Variants in TBXAS1 observed in about 807,000 individuals in gnomAD.
The protein encoded by TBXAS1 is thromboxane A synthase 1, also known as thromboxane-A synthase.
A neutral mutation model predicts 60.7 loss-of-function variants in TBXAS1; 48 were observed. That is an observed-to-expected ratio of 0.79 (90% CI 0.63 to 1.01). TBXAS1 has a LOEUF of 1.01. Ranked by LOEUF, TBXAS1 falls within the 50% of genes least tolerant of loss-of-function variation. The pLI is 0.00. For missense variants in TBXAS1, 685 were observed against 686.3 expected, an observed-to-expected ratio of 1.00 and a Z score of 0.02; for synonymous variants, 287 against 269.7, an observed-to-expected ratio of 1.06 and a Z score of -0.63.
At chr7:139,935,318 A>G (rs765854088) in intron 4 of TBXAS1, among the ~76,000 whole-genome samples, 9 of 152,214 alleles carry the variant, frequency 5.9e-5, no homozygotes, top group African/African-American at 1.2e-4. Flanking sequence ...ATAATACCTC[A>G]TACAATGCCT....
chr7:139,805,660 C>CTCTTTCTTTCTTTCTTTCTT (rs755258646), intron 4 of TBXAS1, among the ~76,000 whole-genome samples: 3 of 101,432 alleles, frequency 3.0e-5, no homozygotes, highest in Admixed American at 1.1e-4. Context: ...CCTTCTTTTT[C>CTCTTTCTTTCTTTCTTTCTT]TCTTTCTTTC....
At chr7:139,836,083 T>TAAAA (rs1312061436) in intron 1 of TBXAS1, among the ~76,000 whole-genome samples, 6 of 131,624 alleles carry the variant, frequency 4.6e-5, no homozygotes, top group Admixed American at 7.6e-5. Flanking sequence ...AATAAATAAA[T>TAAAA]AAAATACTTA....
At chr7:139,783,351 C>CA (rs112605966) in intron 3 of TBXAS1, among the ~76,000 whole-genome samples, 73,579 of 136,624 alleles carry the variant, frequency 0.54, 18,569 homozygotes, top group East Asian at 0.78. Flanking sequence ...GGAAATATGG[C>CA]AAAAAAAAAA....
intron 2 of TBXAS1, 130 bp from the exon 3 acceptor site, chr7:139,875,455 A>G: frequency 1.2e-6 from 1 of 818,158 alleles, no homozygotes; most frequent in Non-Finnish European, 2.0e-6. Flanking sequence ...CCTGAAAGCA[A>G]TATAACTTCC....
At chr7:139,931,478 C>T (rs958755476) in intron 4 of TBXAS1, among the ~76,000 whole-genome samples, 1 of 152,180 alleles carries the variant, frequency 6.6e-6, no homozygotes, top group South Asian at 2.1e-4. Flanking sequence ...TAAAGACATA[C>T]CTGAGACTGG....
intron 1 of TBXAS1, among the ~76,000 whole-genome samples, chr7:139,861,199 C>T (rs1337977123): frequency 1.3e-5 from 2 of 151,264 alleles, no homozygotes; most frequent in Non-Finnish European, 2.9e-5. Flanking sequence ...AAATTCTTCA[C>T]TTCTGACAGG....
rs769731710 is a variant in TBXAS1 at position 139,857,907 on chromosome 7, T to A, written c.90-14328T>A. Among the ~76,000 whole-genome samples the A allele has an allele frequency of 8.7e-4, 132 of 151,852 alleles. 2 individuals are homozygous for A. Among genetic ancestry groups the A allele is most frequent in the Admixed American group, 3.3e-4 (5 of 15,226 alleles). On this transcript the variant is annotated intron_variant, in intron 1 of 12. Coordinates refer to ENST00000448866, the MANE Select transcript of TBXAS1 (RefSeq NM_001061.7). ...CACCACACCTGGCAATTTTTAAAAA[T>A]TTTTTTTGTAGAGGTGGGGTCTTGC...
chr7:139,966,291 C>T lies in TBXAS1; in HGVS notation c.1134+4058C>T, dbSNP rs1040652824. ...GAATCTGATGAGAGCTACATCTCTTCCTCCAAGAAAGAGCAGATATGTGCA... is the reference window on the plus strand; with the variant it reads ...GAATCTGATGAGAGCTACATCTCTTTCTCCAAGAAAGAGCAGATATGTGCA... On this transcript the variant is annotated intron_variant, in intron 9 of 12. Transcript: ENST00000448866. Among the ~76,000 whole-genome samples, 23 of 152,350 alleles carry T rather than the reference C, an allele frequency of 1.5e-4. 1 individual carries two copies. Among genetic ancestry groups the T allele is most frequent in the African/African-American group, 4.8e-4 (20 of 41,576 alleles).
At chr7:139,986,425 T>A (rs1396187071) in intron 9 of TBXAS1, among the ~76,000 whole-genome samples, 1 of 152,046 alleles carries the variant, frequency 6.6e-6, no homozygotes, top group Non-Finnish European at 1.5e-5. Flanking sequence ...CATGAGTAAG[T>A]TCTTTAGGGG....
chr7:139,949,546 G>T (rs1376250273), intron 5 of TBXAS1, among the ~76,000 whole-genome samples: 1 of 152,202 alleles, frequency 6.6e-6, no homozygotes, highest in East Asian at 1.9e-4. Context: ...CTTCTTGGAA[G>T]TTGGGGCCTA....
intron 4 of TBXAS1, among the ~76,000 whole-genome samples, chr7:139,815,741 C>T (rs954334873): frequency 6.6e-6 from 1 of 152,158 alleles, no homozygotes; most frequent in African/African-American, 2.4e-5. Flanking sequence ...GAGACCAGGG[C>T]TTCCGTAGGA....
chr7:139,848,634 C>T (rs1363202303), intron 1 of TBXAS1, among the ~76,000 whole-genome samples: 2 of 152,172 alleles, frequency 1.3e-5, no homozygotes, highest in African/African-American at 4.8e-5. Context: ...GGAAGTGCTG[C>T]TCCTGACAGG....
chr7:140,003,538 A>G (rs1206297357), intron 9 of TBXAS1, among the ~76,000 whole-genome samples: 2 of 152,214 alleles, frequency 1.3e-5, no homozygotes, highest in Non-Finnish European at 2.9e-5. Context: ...GCCTAGAAGC[A>G]CAGTTAAAAA....
At chr7:139,983,726 G>A (rs756789926) in intron 9 of TBXAS1, among the ~76,000 whole-genome samples, 1 of 152,080 alleles carries the variant, frequency 6.6e-6, no homozygotes, top group Non-Finnish European at 1.5e-5. Flanking sequence ...CGCCCACTCC[G>A]CACACATTTT....
In TBXAS1 at chr7:140,015,872, C is replaced by T; in HGVS notation, c.1364+12C>T. ...TTCAACCCTGAAAGGTGAGTACTGC[C>T]CCTTTTAAAAAGCTCTGAAGGGATG... On this transcript the variant is annotated intron_variant, in intron 11 of 12. Coordinates refer to ENST00000448866, the MANE Select transcript of TBXAS1 (RefSeq NM_001061.7). 2 of 1,613,564 alleles carry T rather than the reference C, an allele frequency of 1.2e-6. No homozygotes were observed. The highest frequency in any genetic ancestry group is 2.2e-5 in the East Asian group (1 of 44,886).
intron 1 of TBXAS1, among the ~76,000 whole-genome samples, chr7:139,868,764 C>T (rs1273828078): frequency 6.7e-6 from 1 of 149,374 alleles, no homozygotes. Context: ...TCAAGCGATT[C>T]TCGTGCCTTA....
chr7:139,974,314 G>A (rs1014274496), intron 9 of TBXAS1, among the ~76,000 whole-genome samples: 1 of 152,306 alleles, frequency 6.6e-6, no homozygotes, highest in South Asian at 2.1e-4. Flanking sequence ...CCTCACCAGA[G>A]GCAGGCACTG....
intron 1 of TBXAS1, among the ~76,000 whole-genome samples, chr7:139,840,483 C>T (rs1799360075): frequency 6.6e-6 from 1 of 152,116 alleles, no homozygotes; most frequent in Admixed American, 6.5e-5. Flanking sequence ...ATAAAGAAAC[C>T]TGTTCAGCTT....
chr7:139,812,373 A>G (rs771631101), intron 4 of TBXAS1, among the ~76,000 whole-genome samples: 1 of 152,238 alleles, frequency 6.6e-6, no homozygotes, highest in South Asian at 2.1e-4. Flanking sequence ...CTCATATCAG[A>G]TGCTTTACCC....
Sources: gnomAD v4.1 joint callset for allele counts (sites outside exome capture counted in the v4.1 genomes callset) on GRCh38, gnomAD v4.1.1 for gene constraint, MANE v1.5 for transcripts, NCBI Gene and HGNC (gene_info 2026-07-23, HGNC 2026-07-21) for gene names.